The following SEM1 variants were observed in gnomAD, a reference collection of about 807,000 sequenced individuals.
The protein encoded by SEM1 is SEM1 26S proteasome subunit, also known as 26S proteasome complex subunit SEM1.
Under a neutral mutation model 12.7 loss-of-function variants are expected in SEM1, and 3 were observed. The ratio of observed to expected loss-of-function variants is 0.24; its 90% CI spans 0.11 to 0.61. The LOEUF (loss-of-function observed/expected upper bound fraction) is 0.61. Ranked by LOEUF, SEM1 falls within the 20% of genes least tolerant of loss-of-function variation. The probability of loss-of-function intolerance (pLI) is 0.88; values close to 1 mark genes in which losing one functional copy is unlikely to be tolerated. For synonymous variants in SEM1, 30 were observed against 27.8 expected, an observed-to-expected ratio of 1.08 and a Z score of -0.25; for missense variants, 59 against 81.3, an observed-to-expected ratio of 0.73 and a Z score of 1.06.
At chr7:96,652,439 T>TA (rs1809030708) in intron 2 of SEM1, among the ~76,000 whole-genome samples, 1 of 151,910 alleles carries the variant, frequency 6.6e-6, no homozygotes, top group South Asian at 2.1e-4. Context: ...CTCTTCTTTG[T>TA]AAAAAATTGA....
intron 2 of SEM1, among the ~76,000 whole-genome samples, chr7:96,570,049 G>T (rs770528788): frequency 2.6e-4 from 40 of 151,896 alleles, no homozygotes; most frequent in Non-Finnish European, 5.1e-4. Context: ...CCAGTAGTGG[G>T]ATTGCTGAAT....
intron 2 of SEM1, among the ~76,000 whole-genome samples, chr7:96,511,447 C>T (rs549841573): frequency 1.3e-4 from 20 of 152,090 alleles, no homozygotes; most frequent in Admixed American, 3.3e-4. Context: ...GGACACTGAA[C>T]GAGGAGAGAG....
At chr7:96,548,602 A>G (rs1159992060) in intron 2 of SEM1, among the ~76,000 whole-genome samples, 1 of 152,172 alleles carries the variant, frequency 6.6e-6, no homozygotes, top group African/African-American at 2.4e-5. Context: ...AGTGATTGTT[A>G]ATGAAAATCA....
intron 2 of SEM1, among the ~76,000 whole-genome samples, chr7:96,595,103 G>C (rs1227372074): frequency 1.3e-5 from 2 of 152,074 alleles, no homozygotes; most frequent in African/African-American, 4.8e-5. Flanking sequence ...AAAATTTTTA[G>C]AATTTACATG....
chr7:96,535,785 T>A (rs527401808), intron 2 of SEM1, among the ~76,000 whole-genome samples: 1 of 151,978 alleles, frequency 6.6e-6, no homozygotes. Context: ...GTAAAGGACA[T>A]GATTTTTTAC....
intron 2 of SEM1, among the ~76,000 whole-genome samples, chr7:96,606,946 A>G (rs1471976723): frequency 6.6e-6 from 1 of 152,090 alleles, no homozygotes; most frequent in East Asian, 1.9e-4. Context: ...TTTGTGGAAA[A>G]TTTTATTCTA....
At chr7:96,541,604 T>C (rs928872252) in intron 2 of SEM1, among the ~76,000 whole-genome samples, 4 of 151,762 alleles carry the variant, frequency 2.6e-5, no homozygotes, top group Non-Finnish European at 5.9e-5. Flanking sequence ...TTAGTTTAAT[T>C]AGGTCCCACT....
At chr7:96,602,762 A>C (rs567382178) in intron 2 of SEM1, among the ~76,000 whole-genome samples, 3 of 152,376 alleles carry the variant, frequency 2.0e-5, no homozygotes, top group African/African-American at 7.2e-5. Flanking sequence ...AATGACAAAT[A>C]AATTTTAAAA....
At chr7:96,524,257 A>G (rs1446249641) in intron 2 of SEM1, among the ~76,000 whole-genome samples, 1 of 152,136 alleles carries the variant, frequency 6.6e-6, no homozygotes, top group African/African-American at 2.4e-5. Context: ...CATCACCCCT[A>G]GGACAGGACC....
intron 1 of SEM1, among the ~76,000 whole-genome samples, chr7:96,705,421 G>T (rs1277897863): frequency 6.6e-6 from 1 of 150,654 alleles, no homozygotes; most frequent in Non-Finnish European, 1.5e-5. Context: ...ATCTAAAGGA[G>T]CACTTGTTCT....
chr7:96,581,412 CCAGCT>C, intron 2 of SEM1, among the ~76,000 whole-genome samples: 1 of 151,824 alleles, frequency 6.6e-6, no homozygotes, highest in South Asian at 2.1e-4. Context: ...TGTGATGCCT[CCAGCT>C]TTGTTCTTTT....
chr7:96,535,156 C>T (rs942168560), intron 2 of SEM1, among the ~76,000 whole-genome samples: 5 of 151,914 alleles, frequency 3.3e-5, no homozygotes, highest in African/African-American at 4.8e-5. Flanking sequence ...AAAAAATAGA[C>T]TAAATTTCTA....
intron 2 of SEM1, among the ~76,000 whole-genome samples, chr7:96,612,563 C>T (rs771586603): frequency 5.9e-5 from 9 of 152,154 alleles, no homozygotes; most frequent in Non-Finnish European, 1.3e-4. Context: ...CATCTCCAAA[C>T]CTACAGAATC....
intron 2 of SEM1, among the ~76,000 whole-genome samples, chr7:96,572,302 G>T (rs1806061005): frequency 6.6e-6 from 1 of 152,042 alleles, no homozygotes; most frequent in Non-Finnish European, 1.5e-5. Flanking sequence ...TCTGATCTTA[G>T]TTATTTCTTG....
intron 2 of SEM1, among the ~76,000 whole-genome samples, chr7:96,525,454 A>G (rs758410941): frequency 1.3e-5 from 2 of 152,134 alleles, no homozygotes; most frequent in Non-Finnish European, 2.9e-5. Flanking sequence ...GAGGCCGGGT[A>G]CAACTCGGAT....
chr7:96,489,654 T>A (rs1029340984), intron 1 of SEM1, among the ~76,000 whole-genome samples: 2 of 152,214 alleles, frequency 1.3e-5, no homozygotes, highest in African/African-American at 2.4e-5. Flanking sequence ...CTCACAGTTC[T>A]GGAGTCTGGA....
chr7:96,553,352 A>C (rs1189498431), intron 2 of SEM1, among the ~76,000 whole-genome samples: 1 of 151,226 alleles, frequency 6.6e-6, no homozygotes, highest in Non-Finnish European at 1.5e-5. Flanking sequence ...TCTTTAATCC[A>C]TCTTGAATTG....
chr7:96,656,200 C>A (rs1809174699), intron 2 of SEM1, among the ~76,000 whole-genome samples: 1 of 152,286 alleles, frequency 6.6e-6, no homozygotes, highest in Admixed American at 6.5e-5. Context: ...GCTGTACACA[C>A]AAGATGTTGC....
Position 96,484,074 on chromosome 7 carries a change from C to A in SEM1, c.258-86G>T, listed in dbSNP as rs377327308. The A allele has an allele frequency of 2.6e-4, 320 of 1,243,900 alleles. No individual in the cohort carries two copies. The East Asian group carries it at 7.6e-3, about 30-fold the overall frequency. The allele number at this position is 1,243,900 out of a possible 1,614,324, so 77.1% of individuals were successfully genotyped here. A position where few individuals can be genotyped will look rare whatever the true frequency, so the allele number is the denominator to read the frequency against. On this transcript the variant is annotated intron_variant, in intron 3 of 3. Coordinates refer to the SEM1 transcript ENST00000356686. ...TTAACTTATTCAATCTTCACAACAACCCTATAGGGTAGATCCAATCATCCC... is the reference window on the plus strand; with the variant it reads ...TTAACTTATTCAATCTTCACAACAAACCTATAGGGTAGATCCAATCATCCC...
Sources: allele counts gnomAD v4.1 joint callset (sites outside exome capture counted in the v4.1 genomes callset), GRCh38; gene constraint gnomAD v4.1.1; transcripts MANE v1.5; gene names NCBI Gene and HGNC (gene_info 2026-07-23, HGNC 2026-07-21).